Variants in TP63 observed in about 807,000 individuals in gnomAD.
The protein encoded by TP63 is tumor protein p63.
In TP63, 17 loss-of-function variants were observed where a neutral mutation model predicts 82.8. The observed-to-expected ratio is 0.21, with a 90% CI of 0.14 to 0.31. TP63 has a LOEUF of 0.31. Among genes scored for constraint, TP63 ranks in the 10% least tolerant of loss-of-function variants. The pLI is 1.00. For missense variants in TP63, 648 were observed against 895.3 expected (o/e 0.72, Z 3.52); for synonymous variants, 330 against 321.7 (o/e 1.03, Z -0.28).
intron 2 of TP63, among the ~76,000 whole-genome samples, chr3:189,738,255 A>C (rs1464099424): frequency 6.6e-6 from 1 of 152,252 alleles, no homozygotes; most frequent in Non-Finnish European, 1.5e-5. Context: ...GAAACGTATT[A>C]TTATTTCTTT....
chr3:189,627,259 T>C (rs192039990), upstream of TP63, among the ~76,000 whole-genome samples: 133 of 152,312 alleles, frequency 8.7e-4, no homozygotes, highest in Non-Finnish European at 1.8e-3. Flanking sequence ...AAAAAGTTTG[T>C]TGGACTTCTG....
At chr3:189,729,678 G>A (rs1042052062) in intron 1 of TP63, among the ~76,000 whole-genome samples, 8 of 151,998 alleles carry the variant, frequency 5.3e-5, no homozygotes, top group Non-Finnish European at 8.8e-5. Flanking sequence ...GTTGGGATGA[G>A]TAGAGAGATA....
At chr3:189,858,649 C>T (rs535949393) in intron 4 of TP63, among the ~76,000 whole-genome samples, 13 of 151,974 alleles carry the variant, frequency 8.6e-5, no homozygotes, top group African/African-American at 2.9e-4. Flanking sequence ...CATAGTAGTG[C>T]GCACCTGTAG....
chr3:189,848,311 T>G (rs7636247), intron 4 of TP63, among the ~76,000 whole-genome samples: 35,540 of 143,900 alleles, frequency 0.25, 4,620 homozygotes, highest in South Asian at 0.35. Flanking sequence ...GATGGCTCAC[T>G]GTAACCTCAA....
At chr3:189,785,888 CT>C (rs1174063873) in intron 3 of TP63, among the ~76,000 whole-genome samples, 1 of 151,826 alleles carries the variant, frequency 6.6e-6, no homozygotes, top group African/African-American at 2.4e-5. Flanking sequence ...CTTTTTTGCC[CT>C]CATTCAGCAT....
At chr3:189,747,894 C>T (rs1033146924) in intron 3 of TP63, among the ~76,000 whole-genome samples, 17 of 151,578 alleles carry the variant, frequency 1.1e-4, no homozygotes, top group African/African-American at 3.6e-4. Context: ...AATATATCAC[C>T]GACAAAAGAT....
chr3:189,664,163 C>T (rs753671579), intron 1 of TP63, among the ~76,000 whole-genome samples: 11 of 152,182 alleles, frequency 7.2e-5, no homozygotes, highest in Middle Eastern at 3.4e-3. Context: ...CCCCCAAGCC[C>T]TGCCTTTAAA....
At chr3:189,832,770 G>A (rs1302729740) in intron 4 of TP63, among the ~76,000 whole-genome samples, 3 of 152,150 alleles carry the variant, frequency 2.0e-5, no homozygotes, top group Non-Finnish European at 4.4e-5. Flanking sequence ...CCAGGATGGA[G>A]GATTAATATT....
intron 1 of TP63, among the ~76,000 whole-genome samples, chr3:189,636,303 A>G (rs1172099711): frequency 2.6e-5 from 4 of 152,174 alleles, no homozygotes; most frequent in Non-Finnish European, 4.4e-5. Flanking sequence ...AATTGTAGTA[A>G]GTAAACTCCA....
chr3:189,706,802 C>T (rs537128527), intron 1 of TP63, among the ~76,000 whole-genome samples: 5 of 152,306 alleles, frequency 3.3e-5, no homozygotes, highest in Admixed American at 1.3e-4. Flanking sequence ...ATCACAGAGA[C>T]GACTTGTAAC....
chr3:189,834,527 C>A (rs1712835793), intron 4 of TP63, among the ~76,000 whole-genome samples: 1 of 152,150 alleles, frequency 6.6e-6, no homozygotes. Flanking sequence ...TTAGGAATTT[C>A]TACCAAAAAG....
At chr3:189,623,440 T>A in the TP63 span, among the ~76,000 whole-genome samples, 1 of 152,228 alleles carries the variant, frequency 6.6e-6, no homozygotes, top group East Asian at 1.9e-4. Flanking sequence ...AAAAGCCCAG[T>A]AGGCAAACTG....
chr3:189,815,790 G>C (rs1204940088), intron 4 of TP63, among the ~76,000 whole-genome samples: 1 of 151,996 alleles, frequency 6.6e-6, no homozygotes, highest in Non-Finnish European at 1.5e-5. Flanking sequence ...CTAAGAGAAA[G>C]GTTACTAGTG....
At chr3:189,840,359 CTTT>C in intron 4 of TP63, among the ~76,000 whole-genome samples, 153 of 44,424 alleles carry the variant, frequency 3.4e-3, no homozygotes, top group East Asian at 0.028. Context: ...TGCTTTTCGT[CTTT>C]TTTTTTTTTT....
chr3:189,617,177 A>G, the TP63 span, among the ~76,000 whole-genome samples: 52,077 of 152,048 alleles, frequency 0.34, 9,367 homozygotes, highest in Non-Finnish European at 0.4. Context: ...GGCCTCCTGT[A>G]TACTAGCCAT....
intron 3 of TP63, among the ~76,000 whole-genome samples, chr3:189,793,175 C>T (rs1245754097): frequency 2.6e-5 from 4 of 151,960 alleles, no homozygotes; most frequent in Non-Finnish European, 5.9e-5. Flanking sequence ...AGGAGAAAGA[C>T]ATCTTAGATC....
intron 1 of TP63, among the ~76,000 whole-genome samples, chr3:189,723,129 G>T (rs950548214): frequency 1.3e-4 from 20 of 152,152 alleles, no homozygotes; most frequent in African/African-American, 4.6e-4. Context: ...TCCTTACTGG[G>T]GAAGTGGAGT....
At chr3:189,813,601 T>G (rs1035148396) in intron 4 of TP63, among the ~76,000 whole-genome samples, 3 of 152,142 alleles carry the variant, frequency 2.0e-5, no homozygotes, top group African/African-American at 7.2e-5. Flanking sequence ...GGTTGTTTTT[T>G]TTTTTGCATT....
the TP63 span, among the ~76,000 whole-genome samples, chr3:189,610,045 T>C: frequency 6.6e-6 from 1 of 152,220 alleles, no homozygotes; most frequent in Non-Finnish European, 1.5e-5. Context: ...GCATTTGTTA[T>C]TTTCTGACTT....
Sources: gnomAD v4.1 joint callset for allele counts (sites outside exome capture counted in the v4.1 genomes callset) on GRCh38, gnomAD v4.1.1 for gene constraint, MANE v1.5 for transcripts, NCBI Gene and HGNC (gene_info 2026-07-23, HGNC 2026-07-21) for gene names.